Variants in USP34 observed in about 807,000 individuals in gnomAD.
USP34 encodes ubiquitin carboxyl-terminal hydrolase 34.
USP34 carries 70 observed loss-of-function variants against 460.3 expected under a neutral mutation model. That is an observed-to-expected ratio of 0.15 (90% CI 0.13 to 0.19). USP34 has a LOEUF of 0.19. Ranked by LOEUF, USP34 falls within the 10% of genes least tolerant of loss-of-function variation. The pLI, the probability that USP34 is intolerant of heterozygous loss-of-function variation, is 1.00. For synonymous variants in USP34, 1,647 were observed against 1,405.3 expected, an observed-to-expected ratio of 1.17 and a Z score of -3.85; for missense variants, 3,985 against 4,236.2, an observed-to-expected ratio of 0.94 and a Z score of 1.65.
intron 62 of USP34, among the ~76,000 whole-genome samples, chr2:61,226,190 C>A (rs1309954914): frequency 6.6e-6 from 1 of 152,150 alleles, no homozygotes; most frequent in Non-Finnish European, 1.5e-5. Context: ...ATTTTCACAG[C>A]ATACACCGTG....
chr2:61,332,869 A>T (rs1572942413), intron 19 of USP34, among the ~76,000 whole-genome samples: 1 of 152,040 alleles, frequency 6.6e-6, no homozygotes, highest in East Asian at 1.9e-4. Flanking sequence ...TTAAAAGAAC[A>T]ATTAGAAGCA....
Position 61,469,434 on chromosome 2 carries a change from T to C in USP34, c.43+1216A>G, listed in dbSNP as rs543930494. Among the ~76,000 whole-genome samples, 9 of 152,252 alleles carry C rather than the reference T, an allele frequency of 5.9e-5. No homozygotes were observed. In the South Asian group the frequency reaches 6.2e-4, roughly 11 times the overall value. On this transcript the variant is annotated intron_variant, in intron 1 of 79. Coordinates refer to ENST00000398571, the MANE Select transcript of USP34 (RefSeq NM_014709.4). ...AAATACACACAAATAATCTTAAAAT[T>C]CTAGGATAATTTAGGGTGACACAAA...
intron 27 of USP34, among the ~76,000 whole-genome samples, chr2:61,304,803 G>C (rs1690349647): frequency 1.3e-5 from 2 of 152,114 alleles, no homozygotes; most frequent in Admixed American, 1.3e-4. Flanking sequence ...GGCTGAACTG[G>C]ATTTTATAAT....
intron 49 of USP34, among the ~76,000 whole-genome samples, chr2:61,247,238 T>C (rs979043761): frequency 2.6e-5 from 4 of 152,182 alleles, no homozygotes; most frequent in African/African-American, 9.7e-5. Flanking sequence ...AAGGGAAAAG[T>C]AGAATACAGA....
rs557168566 is a variant in USP34, at chr2:61,394,970, A to G, written c.636T>C (p.Tyr212=). 176 of 1,603,292 alleles carry G rather than the reference A, an allele frequency of 1.1e-4. No homozygotes were observed. The Middle Eastern group carries it at 1.5e-3, about 14-fold the overall frequency. ...DVEVPLHLLR[Y]VCLFCGKNGL... ...CATTTTTCCCACAAAACAAACATAC[A>G]TAACGAAGCAAATGCAATGGTACTT... Residue 212 remains tyrosine (Y), a synonymous_variant, in exon 5 of 80, where the codon TAT becomes TAC. Coordinates refer to ENST00000398571, the MANE Select transcript of USP34 (RefSeq NM_014709.4).
At chr2:61,386,263 G>A (rs1693141772) in intron 5 of USP34, among the ~76,000 whole-genome samples, 1 of 152,090 alleles carries the variant, frequency 6.6e-6, no homozygotes, top group South Asian at 2.1e-4. Flanking sequence ...CTTCAGGCCA[G>A]GAGTTCAACA....
At chr2:61,463,919 A>G (rs1695682333) in intron 1 of USP34, among the ~76,000 whole-genome samples, 1 of 152,178 alleles carries the variant, frequency 6.6e-6, no homozygotes, top group Non-Finnish European at 1.5e-5. Context: ...AGCAAGTCAC[A>G]TAAATTCTCT....
At chr2:61,243,850 C>CA (rs1327970049) in intron 51 of USP34, among the ~76,000 whole-genome samples, 2 of 148,848 alleles carry the variant, frequency 1.3e-5, no homozygotes, top group African/African-American at 5.0e-5. Flanking sequence ...AGCTTGGTGA[C>CA]AGAGTGAGAC....
chr2:61,245,132 A>T, intron 51 of USP34, 78 bp downstream of exon 51: 1 of 1,023,782 alleles, frequency 9.8e-7, no homozygotes, highest in Admixed American at 2.2e-5. Context: ...AAGTTAAGCG[A>T]CTCTGCTATT....
intron 44 of USP34, among the ~76,000 whole-genome samples, chr2:61,259,057 C>T (rs955625177): frequency 2.0e-5 from 3 of 151,954 alleles, no homozygotes; most frequent in Non-Finnish European, 2.9e-5. Flanking sequence ...ATCAGGAGTT[C>T]GAGACCAGCC....
chr2:61,262,132 T>G (rs1406716087), intron 43 of USP34, among the ~76,000 whole-genome samples: 12 of 111,552 alleles, frequency 1.1e-4, no homozygotes, highest in African/African-American at 4.3e-4. Flanking sequence ...TATATATATA[T>G]AGATAGATAG....
At chr2:61,300,375 G>A (rs1436034158) in intron 29 of USP34, among the ~76,000 whole-genome samples, 1 of 151,752 alleles carries the variant, frequency 6.6e-6, no homozygotes, top group Non-Finnish European at 1.5e-5. Flanking sequence ...TTTTAGTAGA[G>A]ACGGGGTTTC....
chr2:61,211,253 A>T (rs1024441851), intron 69 of USP34, among the ~76,000 whole-genome samples: 3 of 152,226 alleles, frequency 2.0e-5, no homozygotes, highest in Admixed American at 1.3e-4. Context: ...AATTAGCCTG[A>T]ACTTTATTTC....
At chr2:61,352,782 GGAGGAAGAGGACAAA>G (rs1237099447) in intron 10 of USP34, among the ~76,000 whole-genome samples, 4 of 151,954 alleles carry the variant, frequency 2.6e-5, no homozygotes, top group African/African-American at 7.3e-5. Flanking sequence ...CAGCAGAGGA[GGAGGAAGAGGACAAA>G]GAGGAGGAGG....
intron 34 of USP34, among the ~76,000 whole-genome samples, chr2:61,285,450 G>A (rs537417561): frequency 7.1e-6 from 1 of 140,562 alleles, no homozygotes; most frequent in East Asian, 2.1e-4. Context: ...TTGTGCCACT[G>A]CACTCCAGCC....
At chr2:61,351,953 A>G (rs1691954270) in intron 10 of USP34, among the ~76,000 whole-genome samples, 1 of 152,230 alleles carries the variant, frequency 6.6e-6, no homozygotes, top group South Asian at 2.1e-4. Context: ...GTTAATTTAA[A>G]TATAGTATTA....
chr2:61,421,822 A>C (rs1694369685), intron 1 of USP34, among the ~76,000 whole-genome samples: 2 of 152,010 alleles, frequency 1.3e-5, no homozygotes. Flanking sequence ...CCTTCTACTT[A>C]ATCAGACTAC....
intron 5 of USP34, among the ~76,000 whole-genome samples, 196 bp downstream of exon 5, chr2:61,394,657 C>A (rs1239871377): frequency 6.6e-6 from 1 of 150,970 alleles, no homozygotes; most frequent in Non-Finnish European, 1.5e-5. Context: ...AGCTTTAAAA[C>A]AGGTAACTTA....
chr2:61,400,210 C>T (rs558518847), intron 3 of USP34, among the ~76,000 whole-genome samples: 6 of 151,672 alleles, frequency 4.0e-5, no homozygotes, highest in South Asian at 4.2e-4. Flanking sequence ...CCCGGGTTCA[C>T]GCCATTCTCC....
Sources: allele counts gnomAD v4.1 joint callset (sites outside exome capture counted in the v4.1 genomes callset), GRCh38; gene constraint gnomAD v4.1.1; transcripts MANE v1.5; gene names NCBI Gene and HGNC (gene_info 2026-07-23, HGNC 2026-07-21).